NDRG3: variants seen among roughly 807,000 people sequenced by gnomAD.
NDRG3 encodes the protein NDRG family member 3, also known as protein NDRG3.
NDRG3 carries 23 observed loss-of-function variants against 57.2 expected under a neutral mutation model. The ratio of observed to expected loss-of-function variants is 0.40; its 90% CI spans 0.29 to 0.57. NDRG3 has a LOEUF of 0.57. NDRG3 is among the 20% of genes least tolerant of loss of function. NDRG3 has a pLI of 0.42. For synonymous variants in NDRG3, 132 were observed against 162.6 expected, an observed-to-expected ratio of 0.81 and a Z score of 1.43; for missense variants, 384 against 457.3, an observed-to-expected ratio of 0.84 and a Z score of 1.46.
At position 36,708,808 on chromosome 20, in the gene NDRG3, G is replaced by A. The variant is rs556419893; in HGVS notation, c.58-1801C>T. Among the ~76,000 whole-genome samples, 439 of 152,248 alleles carry A rather than the reference G, an allele frequency of 2.9e-3. 2 individuals carry two copies. Among genetic ancestry groups the A allele is most frequent in the Admixed American group, 5.4e-3 (83 of 15,290 alleles). ...CAGCACGGCACTTTGGGAGGCCAAGGCGGGCGGATCACCTGAGGTTGGGAG... is the reference window on the plus strand; with the variant it reads ...CAGCACGGCACTTTGGGAGGCCAAGACGGGCGGATCACCTGAGGTTGGGAG... On this transcript the variant is annotated intron_variant, in intron 2 of 15. Coordinates refer to ENST00000349004, the MANE Select transcript of NDRG3 (RefSeq NM_032013.4).
At chr20:36,727,853 G>A (rs1985040308) in intron 1 of NDRG3, among the ~76,000 whole-genome samples, 1 of 151,622 alleles carries the variant, frequency 6.6e-6, no homozygotes, top group South Asian at 2.1e-4. Context: ...TTTCTTTATA[G>A]ATGAGAAATT....
chr20:36,714,421 AT>A (rs1351307514), intron 2 of NDRG3, among the ~76,000 whole-genome samples: 1 of 147,076 alleles, frequency 6.8e-6, no homozygotes, highest in Non-Finnish European at 1.5e-5. Flanking sequence ...AAAAAAAAAA[AT>A]CTTCAGCAAA....
At chr20:36,722,908 T>C (rs1984680753) in intron 1 of NDRG3, among the ~76,000 whole-genome samples, 1 of 152,214 alleles carries the variant, frequency 6.6e-6, no homozygotes, top group Non-Finnish European at 1.5e-5. Context: ...CAAGACACTA[T>C]AAACTACTAG....
chr20:36,685,135 G>T (rs181671183), intron 5 of NDRG3, among the ~76,000 whole-genome samples: 57 of 152,190 alleles, frequency 3.7e-4, no homozygotes, highest in African/African-American at 1.2e-3. Context: ...CCGGCAGTAA[G>T]AGTCAACTCA....
intron 4 of NDRG3, 21 bp from the exon 5 acceptor site, chr20:36,687,633 A>G (rs748643943): frequency 2.5e-6 from 4 of 1,609,468 alleles, no homozygotes; most frequent in South Asian, 1.1e-5. Context: ...AAAAATACCC[A>G]TAAGTCACAG....
At chr20:36,673,225 C>T (rs1403991180) in intron 8 of NDRG3, among the ~76,000 whole-genome samples, 1 of 151,910 alleles carries the variant, frequency 6.6e-6, no homozygotes, top group Non-Finnish European at 1.5e-5. Context: ...GGCAATAGCA[C>T]TGTTAATGTG....
chr20:36,656,278 C>T lies in NDRG3; in HGVS notation c.946+82G>A, dbSNP rs932398252. 1.1e-5 allele frequency: 15 copies of T among 1,394,746 alleles called. No individual in the cohort carries two copies. The African/African-American group carries it at 2.2e-4, about 20-fold the overall frequency. The allele number at this position is 1,394,746 out of a possible 1,614,324, so 86.4% of individuals were successfully genotyped here. A position where few individuals can be genotyped will look rare whatever the true frequency, so the allele number is the denominator to read the frequency against. ...GCTAGCTGCCACAGAGGTTATATCT[C>T]AAGAATTGTGGGCTCCCAGATGTGA... is the stretch of plus-strand genomic sequence containing the variant. On this transcript the variant is annotated intron_variant, in intron 15 of 15. Transcript: ENST00000349004.
chr20:36,731,418 T>C (rs1355149868), intron 1 of NDRG3, among the ~76,000 whole-genome samples: 1 of 152,132 alleles, frequency 6.6e-6, no homozygotes, highest in Non-Finnish European at 1.5e-5. Flanking sequence ...GCCATTAACT[T>C]TGGACAGTAA....
chr20:36,737,872 T>A (rs1450215455), intron 1 of NDRG3, among the ~76,000 whole-genome samples: 1 of 152,112 alleles, frequency 6.6e-6, no homozygotes, highest in African/African-American at 2.4e-5. Context: ...GAGACCAGCC[T>A]GGCCAACATG....
intron 8 of NDRG3, 114 bp from the exon 9 acceptor site, chr20:36,671,511 A>G: frequency 1.2e-6 from 1 of 808,092 alleles, no homozygotes; most frequent in Non-Finnish European, 2.0e-6. Flanking sequence ...AAAACAAATG[A>G]AAAACCCTTG....
At chr20:36,700,702 A>G in intron 3 of NDRG3, 1 of 261,932 alleles carries the variant, frequency 3.8e-6, no homozygotes, top group South Asian at 3.8e-5. Flanking sequence ...AGCACAGTCT[A>G]AGGGAGCATC....
intron 1 of NDRG3, among the ~76,000 whole-genome samples, chr20:36,725,975 C>G (rs1043944618): frequency 1.4e-5 from 2 of 144,318 alleles, no homozygotes; most frequent in African/African-American, 2.6e-5. Context: ...TTCACCTAGG[C>G]TGGAGTGCAG....
At chr20:36,702,511 G>A (rs1328057944) in intron 3 of NDRG3, among the ~76,000 whole-genome samples, 2 of 151,850 alleles carry the variant, frequency 1.3e-5, no homozygotes, top group Non-Finnish European at 2.9e-5. Context: ...TATAGTTTTT[G>A]TTATACAAGA....
At chr20:36,741,444 T>C (rs975320528) in intron 1 of NDRG3, among the ~76,000 whole-genome samples, 2 of 152,234 alleles carry the variant, frequency 1.3e-5, no homozygotes, top group African/African-American at 4.8e-5. Context: ...CTTTTTTTAA[T>C]CCATAAATAT....
chr20:36,689,453 A>G (rs1265738724), intron 3 of NDRG3, among the ~76,000 whole-genome samples: 2 of 152,174 alleles, frequency 1.3e-5, no homozygotes, highest in African/African-American at 4.8e-5. Context: ...GTTGCTGGGT[A>G]AAAAATCAGA....
At chr20:36,719,884 A>C (rs1600951162) in intron 2 of NDRG3, among the ~76,000 whole-genome samples, 2 of 152,078 alleles carry the variant, frequency 1.3e-5, no homozygotes, top group East Asian at 3.9e-4. Flanking sequence ...TAGGAGGCCA[A>C]GGCAGGTAGA....
chr20:36,683,571 C>T (rs982278729), intron 6 of NDRG3, among the ~76,000 whole-genome samples: 15 of 151,640 alleles, frequency 9.9e-5, no homozygotes, highest in African/African-American at 3.6e-4. Context: ...GAGCTGCGAT[C>T]GCACCACTAC....
chr20:36,692,777 A>T (rs944086205), intron 3 of NDRG3, among the ~76,000 whole-genome samples: 13 of 151,664 alleles, frequency 8.6e-5, no homozygotes, highest in Non-Finnish European at 1.9e-4. Context: ...TTATACCCCT[A>T]AAGGATCTTA....
chr20:36,715,959 C>T (rs1031223086), intron 2 of NDRG3, among the ~76,000 whole-genome samples: 7 of 149,224 alleles, frequency 4.7e-5, no homozygotes, highest in Non-Finnish European at 4.4e-5. Flanking sequence ...TAAAAAAATA[C>T]AAAACGTAGC....
Sources: allele counts gnomAD v4.1 joint callset (sites outside exome capture counted in the v4.1 genomes callset), GRCh38; gene constraint gnomAD v4.1.1; transcripts MANE v1.5; gene names NCBI Gene and HGNC (gene_info 2026-07-23, HGNC 2026-07-21).